CTNNA3: variants seen among roughly 807,000 people sequenced by gnomAD.
The protein encoded by CTNNA3 is catenin alpha 3, also known as catenin alpha-3.
CTNNA3 carries 76 observed loss-of-function variants against 95.7 expected under a neutral mutation model. That is an observed-to-expected ratio of 0.79 (90% CI 0.66 to 0.96). The LOEUF (loss-of-function observed/expected upper bound fraction) is 0.96, where lower values mean the gene tolerates loss of function less well. Ranked by LOEUF, CTNNA3 falls within the 40% of genes least tolerant of loss-of-function variation. The pLI, the probability that CTNNA3 is intolerant of heterozygous loss-of-function variation, is 0.00. For synonymous variants in CTNNA3, 431 were observed against 374.4 expected (o/e 1.15, Z -1.74); for missense variants, 1,191 against 1,089.8 (o/e 1.09, Z -1.31).
chr10:66,551,478 T>C (rs1842213160), intron 10 of CTNNA3, among the ~76,000 whole-genome samples: 2 of 152,268 alleles, frequency 1.3e-5, no homozygotes, highest in South Asian at 4.1e-4. Flanking sequence ...GCTGAGCTTC[T>C]TGATGCTATA....
chr10:66,112,237 G>T (rs1463981365), intron 13 of CTNNA3, among the ~76,000 whole-genome samples: 1 of 152,120 alleles, frequency 6.6e-6, no homozygotes, highest in Non-Finnish European at 1.5e-5. Flanking sequence ...TATAACCCAA[G>T]TGTCTAACGG....
intron 7 of CTNNA3, among the ~76,000 whole-genome samples, chr10:66,816,262 A>G (rs1842078372): frequency 6.6e-6 from 1 of 152,146 alleles, no homozygotes; most frequent in African/African-American, 2.4e-5. Context: ...GCAAAGTAAA[A>G]TGGAGGAATG....
At chr10:66,578,640 A>C (rs558978020) in intron 10 of CTNNA3, among the ~76,000 whole-genome samples, 1 of 152,128 alleles carries the variant, frequency 6.6e-6, no homozygotes, top group African/African-American at 2.4e-5. Flanking sequence ...CCTATGTTAA[A>C]CCAACATTGC....
At chr10:67,232,489 C>T (rs573924624) in intron 5 of CTNNA3, among the ~76,000 whole-genome samples, 2 of 151,748 alleles carry the variant, frequency 1.3e-5, no homozygotes, top group Non-Finnish European at 2.9e-5. Context: ...CCAGACCTGC[C>T]CTAAAAGAGC....
intron 7 of CTNNA3, among the ~76,000 whole-genome samples, chr10:67,028,813 T>G (rs1465582359): frequency 1.3e-5 from 2 of 152,166 alleles, no homozygotes; most frequent in African/African-American, 2.4e-5. Flanking sequence ...ATTCTACAAG[T>G]AATTACATTA....
intron 10 of CTNNA3, among the ~76,000 whole-genome samples, chr10:66,578,907 T>C (rs1223303101): frequency 6.6e-6 from 1 of 151,608 alleles, no homozygotes; most frequent in Non-Finnish European, 1.5e-5. Context: ...TTCAGTAGGA[T>C]TAGTACTAGC....
intron 13 of CTNNA3, among the ~76,000 whole-genome samples, chr10:66,239,519 C>G (rs4265496): frequency 0.21 from 32,496 of 151,784 alleles, 3,660 homozygotes; most frequent in South Asian, 0.29. Context: ...ATTAGGCACT[C>G]TCAACAACAA....
At chr10:66,813,026 TAGTTC>T (rs1841942079) in intron 7 of CTNNA3, among the ~76,000 whole-genome samples, 2 of 152,206 alleles carry the variant, frequency 1.3e-5, no homozygotes, top group Admixed American at 1.3e-4. Context: ...TAATTGTTCA[TAGTTC>T]AGTTTTGTAG....
At chr10:67,682,122 C>T (rs1840636853) in intron 1 of CTNNA3, among the ~76,000 whole-genome samples, 1 of 150,356 alleles carries the variant, frequency 6.7e-6, no homozygotes, top group South Asian at 2.1e-4. Context: ...TGCGCCATTG[C>T]ACTCCAACCT....
intron 15 of CTNNA3, among the ~76,000 whole-genome samples, chr10:66,023,340 G>A (rs1197960895): frequency 6.6e-6 from 1 of 152,146 alleles, no homozygotes; most frequent in Non-Finnish European, 1.5e-5. Context: ...AATGTAGAAA[G>A]TTTTGAACTT....
At chr10:66,640,908 A>G (rs78308913) in intron 9 of CTNNA3, among the ~76,000 whole-genome samples, 1,621 of 152,292 alleles carry the variant, frequency 0.011, 37 homozygotes, top group African/African-American at 0.037. Flanking sequence ...GATCCTTGGA[A>G]ACATCATTGA....
chr10:66,414,765 A>G (rs2132608546), intron 11 of CTNNA3, among the ~76,000 whole-genome samples: 1 of 152,238 alleles, frequency 6.6e-6, no homozygotes, highest in African/African-American at 2.4e-5. Flanking sequence ...TTGGGCCACT[A>G]CACTCTGATG....
chr10:67,071,513 T>G (rs1372905417), intron 7 of CTNNA3, among the ~76,000 whole-genome samples: 1 of 37,478 alleles, frequency 2.7e-5, no homozygotes, highest in African/African-American at 1.4e-4. Context: ...GTTTTTTTTG[T>G]TTGTTTGTTT....
At chr10:65,954,757 G>T (rs545111109) in intron 17 of CTNNA3, among the ~76,000 whole-genome samples, 2 of 152,170 alleles carry the variant, frequency 1.3e-5, no homozygotes, top group Non-Finnish European at 2.9e-5. Context: ...TCTCTGTTTT[G>T]GTACCAGTAC....
chr10:67,503,085 G>A (rs544341631), intron 5 of CTNNA3, among the ~76,000 whole-genome samples: 3 of 152,316 alleles, frequency 2.0e-5, no homozygotes, highest in Non-Finnish European at 2.9e-5. Flanking sequence ...TGAAACCCAC[G>A]GCCTTGGTAG....
At chr10:66,290,153 A>G (rs2091656228) in intron 12 of CTNNA3, among the ~76,000 whole-genome samples, 1 of 152,042 alleles carries the variant, frequency 6.6e-6, no homozygotes, top group Non-Finnish European at 1.5e-5. Flanking sequence ...GTGTGAATAA[A>G]GAGAAGTAGA....
At position 67,750,079 on chromosome 10, in the gene CTNNA3, A is replaced by G. The variant is rs570501315; in HGVS notation, c.-2+13355T>C. On this transcript the variant is annotated intron_variant, in intron 1 of 17. Coordinates refer to the CTNNA3 transcript ENST00000684154. ...CATTTTGAAGTCAGCGAGACTATGA[A>G]CCCGCCAGAAGGAAGAAACTCTGGA... Among the ~76,000 whole-genome samples the G allele has an allele frequency of 2.6e-5, 4 of 152,212 alleles. No homozygotes were observed. The East Asian group carries it at 7.7e-4, about 29-fold the overall frequency.
At chr10:66,587,300 T>C (rs10997251) in intron 10 of CTNNA3, among the ~76,000 whole-genome samples, 1 of 152,158 alleles carries the variant, frequency 6.6e-6, no homozygotes, top group African/African-American at 2.4e-5. Flanking sequence ...GATGTTTTAA[T>C]GGGCTGTGCC....
chr10:65,972,917 A>G (rs1204343029), intron 16 of CTNNA3, among the ~76,000 whole-genome samples: 1 of 151,858 alleles, frequency 6.6e-6, no homozygotes, highest in Non-Finnish European at 1.5e-5. Context: ...AAAAAAAAAA[A>G]AAAAAGAAGC....
Sources: allele counts gnomAD v4.1 joint callset (sites outside exome capture counted in the v4.1 genomes callset), GRCh38; gene constraint gnomAD v4.1.1; transcripts MANE v1.5; gene names NCBI Gene and HGNC (gene_info 2026-07-23, HGNC 2026-07-21).